NRXN1: variants seen among roughly 807,000 people sequenced by gnomAD.
NRXN1 encodes the protein neurexin 1.
NRXN1 carries 39 observed loss-of-function variants against 150.9 expected under a neutral mutation model. The ratio of observed to expected loss-of-function variants is 0.26; its 90% CI spans 0.20 to 0.34. The LOEUF is 0.34. Ranked by LOEUF, NRXN1 falls within the 10% of genes least tolerant of loss-of-function variation. The pLI, the probability that NRXN1 is intolerant of heterozygous loss-of-function variation, is 1.00. For synonymous variants in NRXN1, 924 were observed against 757.0 expected, an observed-to-expected ratio of 1.22 and a Z score of -3.62; for missense variants, 1,815 against 1,949.9, an observed-to-expected ratio of 0.93 and a Z score of 1.30.
In NRXN1 at chr2:50,057,596, G is replaced by A. The variant is rs1693848597; in HGVS notation, c.3719-2552C>T. Among the ~76,000 whole-genome samples the A allele has an allele frequency of 2.0e-5, 3 of 152,168 alleles. No individual in the cohort carries two copies. The South Asian group carries it at 6.2e-4, about 31-fold the overall frequency. ...GCCAAGTACTATGCTACTATGTGCAGTATTTATTATTTCTTCAGTGCTTAC... is the reference window on the plus strand; with the variant it reads ...GCCAAGTACTATGCTACTATGTGCAATATTTATTATTTCTTCAGTGCTTAC... On this transcript the variant is annotated intron_variant, in intron 19 of 22. Transcript: ENST00000401669.
intron 17 of NRXN1, among the ~76,000 whole-genome samples, chr2:50,379,143 G>C (rs1221141423): frequency 1.3e-5 from 2 of 152,096 alleles, no homozygotes; most frequent in African/African-American, 4.8e-5. Flanking sequence ...AAAAGAAAGA[G>C]AGAGAAAGGC....
In NRXN1 at chr2:50,600,005, T is replaced by C. The variant is rs1408349011; in HGVS notation, c.1320+20017A>G. Among the ~76,000 whole-genome samples, 4 of 152,128 alleles carry C rather than the reference T, an allele frequency of 2.6e-5. No individual in the cohort carries two copies. The East Asian group carries it at 7.7e-4, about 29-fold the overall frequency. ...TTGCTTATATTAGAAATTAATTATA[T>C]ATTAAACTACCCAGAGTTCTAGATA... On this transcript the variant is annotated intron_variant, in intron 8 of 22. Transcript: ENST00000401669.
chr2:50,182,086 TACTAC>T (rs2060760395), intron 18 of NRXN1, among the ~76,000 whole-genome samples: 1 of 150,420 alleles, frequency 6.6e-6, no homozygotes. Context: ...TTTCATTGGT[TACTAC>T]TTCTTAAAAA....
intron 2 of NRXN1, among the ~76,000 whole-genome samples, chr2:51,008,799 C>CATT (rs1667418752): frequency 2.6e-5 from 4 of 151,566 alleles, no homozygotes; most frequent in Middle Eastern, 3.4e-3. Flanking sequence ...TTTTATAAAA[C>CATT]TTGTAGTCAT....
intron 5 of NRXN1, among the ~76,000 whole-genome samples, chr2:50,920,607 G>A (rs928166620): frequency 6.6e-6 from 1 of 151,688 alleles, no homozygotes; most frequent in Admixed American, 6.6e-5. Context: ...ACAAACTAAA[G>A]AACATGATGA....
intron 5 of NRXN1, among the ~76,000 whole-genome samples, chr2:50,782,964 T>A (rs1704560821): frequency 6.6e-6 from 1 of 152,192 alleles, no homozygotes; most frequent in Non-Finnish European, 1.5e-5. Context: ...TTTTTAAAGC[T>A]TCATTATGTT....
intron 13 of NRXN1, 39 bp from the exon 14 acceptor site, chr2:50,497,753 G>T (rs199968625): frequency 3.2e-5 from 50 of 1,543,210 alleles, no homozygotes; most frequent in Non-Finnish European, 1.7e-5. Flanking sequence ...TTCTGTATCT[G>T]AAAGGCACTT....
At chr2:50,374,416 A>G (rs1006458281) in intron 17 of NRXN1, among the ~76,000 whole-genome samples, 4 of 152,076 alleles carry the variant, frequency 2.6e-5, no homozygotes, top group African/African-American at 9.6e-5. Context: ...AAAATCTGAG[A>G]TTATAATTAA....
chr2:50,136,244 A>C (rs1706390266), intron 18 of NRXN1, among the ~76,000 whole-genome samples: 1 of 152,174 alleles, frequency 6.6e-6, no homozygotes, highest in Admixed American at 6.5e-5. Flanking sequence ...AGCCTGACTT[A>C]CGCCAAGAGA....
At position 50,088,100 on chromosome 2, in the gene NRXN1, A is replaced by C. The variant is rs551504119; in HGVS notation, c.3718+3223T>G. ...CTGTTCTTCTAATAAAAATAACCCCAAAAATTAATAAAAAGAGCCATACCA... is the reference window on the plus strand; with the variant it reads ...CTGTTCTTCTAATAAAAATAACCCCCAAAATTAATAAAAAGAGCCATACCA... On this transcript the variant is annotated intron_variant, in intron 19 of 22. Transcript: ENST00000401669. Among the ~76,000 whole-genome samples, 39 of 152,242 alleles carry C rather than the reference A, an allele frequency of 2.6e-4. 1 individual carries two copies. Among genetic ancestry groups the C allele is most frequent in the Admixed American group, 2.4e-3 (36 of 15,284 alleles).
chr2:50,678,809 G>C (rs1347416999), intron 5 of NRXN1, among the ~76,000 whole-genome samples: 2 of 152,138 alleles, frequency 1.3e-5, no homozygotes, highest in East Asian at 3.9e-4. Context: ...AGCCAGGCAA[G>C]AGGTGGGGGA....
In NRXN1 at chr2:50,347,871, G is replaced by C. The variant is rs903468248; in HGVS notation, c.3365-110901C>G. ...GCAGAGGACGAGCCTATGTAACGAG[G>C]GAGGCTGGTCTAGCTTCCCACGAAA... On this transcript the variant is annotated intron_variant, in intron 17 of 22. Transcript: ENST00000401669. This position sits in a 1 kb window ranked among gnomAD's most constrained non-coding sequence, Gnocchi z 4.9. The C allele has an allele frequency of 5.1e-6, 5 of 984,432 alleles. No homozygotes were observed. The highest frequency in any genetic ancestry group is 6.0e-6 in the Non-Finnish European group (5 of 829,178). 61.0% of individuals were successfully genotyped at this position (984,432 alleles called of 1,614,324 possible).
chr2:50,555,209 G>C (rs1165804735), intron 8 of NRXN1, among the ~76,000 whole-genome samples: 1 of 152,084 alleles, frequency 6.6e-6, no homozygotes, highest in Non-Finnish European at 1.5e-5. Flanking sequence ...AGACCCAAAT[G>C]ATGCTTCTCT....
At chr2:50,973,210 G>C (rs28626293) in intron 2 of NRXN1, among the ~76,000 whole-genome samples, 5,547 of 152,196 alleles carry the variant, frequency 0.036, 167 homozygotes, top group Non-Finnish European at 0.054. Context: ...AAAGTGGCCA[G>C]GGATGCAATC....
At chr2:50,469,895 C>A (rs1558785984) in intron 16 of NRXN1, among the ~76,000 whole-genome samples, 2 of 151,044 alleles carry the variant, frequency 1.3e-5, no homozygotes, top group Non-Finnish European at 3.0e-5. Context: ...TCATCTTAAC[C>A]AAATTCCTTA....
At chr2:50,660,678 T>C (rs1368099301) in intron 5 of NRXN1, among the ~76,000 whole-genome samples, 1 of 152,040 alleles carries the variant, frequency 6.6e-6, no homozygotes, top group African/African-American at 2.4e-5. Context: ...GCAATGTGAA[T>C]GTCTGGTGCT....
intron 5 of NRXN1, among the ~76,000 whole-genome samples, chr2:50,633,482 T>A (rs748751033): frequency 6.6e-6 from 1 of 152,012 alleles, no homozygotes; most frequent in Non-Finnish European, 1.5e-5. Flanking sequence ...GTGTGCTTCA[T>A]AGAAGGCTTG....
chr2:50,677,177 T>C (rs547206815), intron 5 of NRXN1, among the ~76,000 whole-genome samples: 9 of 152,306 alleles, frequency 5.9e-5, no homozygotes, highest in East Asian at 1.9e-4. Context: ...TAGTAAATTA[T>C]AGGCAAAGAA....
At chr2:50,053,717 TCA>T (rs1693149402) in intron 20 of NRXN1, 127 bp from the exon 21 acceptor site, 5 of 906,136 alleles carry the variant, frequency 5.5e-6, no homozygotes, top group Non-Finnish European at 6.9e-6. Flanking sequence ...GGCATTTGAC[TCA>T]TAATTCATTG....
Sources: allele counts gnomAD v4.1 joint callset (sites outside exome capture counted in the v4.1 genomes callset), GRCh38; gene constraint gnomAD v4.1.1; non-coding constraint Gnocchi (gnomAD v3.1); transcripts MANE v1.5; gene names NCBI Gene and HGNC (gene_info 2026-07-23, HGNC 2026-07-21).